Variants in BCL2 observed in about 807,000 individuals in gnomAD.
BCL2 encodes the protein apoptosis regulator Bcl-2.
BCL2 carries 1 observed loss-of-function variant against 14.2 expected under a neutral mutation model. That is an observed-to-expected ratio of 0.07 (90% CI 0.02 to 0.33). The LOEUF (loss-of-function observed/expected upper bound fraction) is 0.33. Ranked by LOEUF, BCL2 falls within the 10% of genes least tolerant of loss-of-function variation. BCL2 has a pLI of 0.99. For synonymous variants in BCL2, 151 were observed against 137.2 expected (o/e 1.10, Z -0.70); for missense variants, 247 against 305.9 (o/e 0.81, Z 1.44).
rs538627199 is a variant in BCL2 at position 63,199,473 on chromosome 18, A to G, written c.586-70714T>C. Among the ~76,000 whole-genome samples, 1,355 of 151,112 alleles carry G rather than the reference A, an allele frequency of 9.0e-3. 20 individuals are homozygous for G. The highest frequency in any genetic ancestry group is 0.031 in the African/African-American group (1,259 of 41,138). Reference sequence around the variant, plus strand: ...CAGAGACACACGCAGACAAATGCACATAGACAACACACACAGAGACACATG... The same window carrying G: ...CAGAGACACACGCAGACAAATGCACGTAGACAACACACACAGAGACACATG... On this transcript the variant is annotated intron_variant, in intron 2 of 2. Transcript: ENST00000333681.
intron 2 of BCL2, among the ~76,000 whole-genome samples, chr18:63,185,865 G>A (rs1030601549): frequency 2.6e-5 from 4 of 152,208 alleles, no homozygotes; most frequent in Admixed American, 6.5e-5. Context: ...AGTTTGGAAT[G>A]CTAACCACTT....
chr18:63,124,687 A>G lies in BCL2; in HGVS notation c.*3938T>C, dbSNP rs1599194059. 7 of 229,494 alleles carry G rather than the reference A, an allele frequency of 3.1e-5. No individual in the cohort carries two copies. In the East Asian group the frequency reaches 4.4e-4, roughly 14 times the overall value. The allele number at this position is 229,494 out of a possible 1,614,324, so 14.2% of individuals were successfully genotyped here. On this transcript the variant is annotated 3_prime_UTR_variant, in exon 3 of 3. Coordinates refer to ENST00000333681, the MANE Select transcript of BCL2 (RefSeq NM_000633.3). Reference sequence around the variant, plus strand: ...AGATCCAAATTGAATAACAATAAAGATCTGATTGGAACCTTCATAAGCTTG... The same window carrying G: ...AGATCCAAATTGAATAACAATAAAGGTCTGATTGGAACCTTCATAAGCTTG...
At chr18:63,238,562 T>A (rs1315672958) in intron 2 of BCL2, among the ~76,000 whole-genome samples, 1 of 152,168 alleles carries the variant, frequency 6.6e-6, no homozygotes, top group Non-Finnish European at 1.5e-5. Flanking sequence ...CAATGTTCTG[T>A]CCCCGTTTTA....
chr18:63,165,804 G>A (rs145577472), intron 2 of BCL2, among the ~76,000 whole-genome samples: 3 of 152,130 alleles, frequency 2.0e-5, no homozygotes, highest in African/African-American at 4.8e-5. Flanking sequence ...AGGGGAGGGG[G>A]GTGGAATCTA....
intron 2 of BCL2, among the ~76,000 whole-genome samples, chr18:63,248,527 A>G (rs1293284549): frequency 6.6e-6 from 1 of 152,194 alleles, no homozygotes; most frequent in East Asian, 1.9e-4. Flanking sequence ...CCTGAATGAA[A>G]CTTCCCATTG....
chr18:63,207,824 T>C (rs1228843951), intron 2 of BCL2: 1 of 152,250 alleles, frequency 6.6e-6, no homozygotes, highest in Non-Finnish European at 1.5e-5. Context: ...AGTTGGACTA[T>C]TTAAGCTTAC....
At chr18:63,224,526 T>A (rs2187162) in intron 2 of BCL2, among the ~76,000 whole-genome samples, 140,726 of 152,242 alleles carry the variant, frequency 0.92, 65,530 homozygotes, top group Non-Finnish European at 0.99. Flanking sequence ...GGGAAAACTG[T>A]TTTTTAACCT....
chr18:63,268,403 T>G (rs1911901052), intron 2 of BCL2, among the ~76,000 whole-genome samples: 1 of 152,240 alleles, frequency 6.6e-6, no homozygotes, highest in Admixed American at 6.5e-5. Flanking sequence ...GCAAGATTTC[T>G]GGAACAATTT....
intron 2 of BCL2, among the ~76,000 whole-genome samples, chr18:63,258,199 A>C (rs1911540942): frequency 6.6e-6 from 1 of 152,202 alleles, no homozygotes; most frequent in South Asian, 2.1e-4. Flanking sequence ...CTTCAGAACA[A>C]GTGTGGCCAT....
chr18:63,307,759 A>G (rs1913188147), intron 2 of BCL2, among the ~76,000 whole-genome samples: 1 of 152,204 alleles, frequency 6.6e-6, no homozygotes, highest in African/African-American at 2.4e-5. Flanking sequence ...ACTCATAGAT[A>G]AGCTGCTTGA....
chr18:63,312,585 C>T (rs891402543), intron 2 of BCL2, among the ~76,000 whole-genome samples: 2 of 152,204 alleles, frequency 1.3e-5, no homozygotes, highest in Non-Finnish European at 2.9e-5. Context: ...GCCAGTGTTA[C>T]AATGGACTGT....
rs1205961372 is a variant in BCL2, at chr18:63,221,969, T to A, written c.586-93210A>T. 2.6e-5 allele frequency among the ~76,000 whole-genome samples: 4 copies of A among 152,078 alleles called. No individual in the cohort carries two copies. The East Asian group carries it at 5.8e-4, about 22-fold the overall frequency. On this transcript the variant is annotated intron_variant, in intron 2 of 2. Coordinates refer to ENST00000333681, the MANE Select transcript of BCL2 (RefSeq NM_000633.3). ...CACTATGTAGAAACGATTTCACAAC[T>A]CAGGACTCACAAGATTCCTATAGAA...
intron 2 of BCL2, among the ~76,000 whole-genome samples, chr18:63,277,480 T>C (rs924942053): frequency 6.6e-6 from 1 of 151,664 alleles, no homozygotes; most frequent in African/African-American, 2.4e-5. Context: ...AAATTGTTAA[T>C]GAGCCAGTGC....
At chr18:63,294,066 C>A (rs1412684041) in intron 2 of BCL2, among the ~76,000 whole-genome samples, 2 of 151,994 alleles carry the variant, frequency 1.3e-5, no homozygotes, top group African/African-American at 4.8e-5. Flanking sequence ...AATAATTCAG[C>A]GCCTTATTTT....
chr18:63,267,566 G>A (rs147572011), intron 2 of BCL2, among the ~76,000 whole-genome samples: 10 of 152,308 alleles, frequency 6.6e-5, no homozygotes, highest in African/African-American at 1.4e-4. Flanking sequence ...AGGAAGTGGC[G>A]GAGGGAGTAA....
chr18:63,148,577 G>A (rs943938017), intron 2 of BCL2, among the ~76,000 whole-genome samples: 3 of 151,984 alleles, frequency 2.0e-5, no homozygotes, highest in Non-Finnish European at 2.9e-5. Flanking sequence ...TGGATCAGGA[G>A]TAAACCTCTC....
At chr18:63,167,868 G>A (rs1915083190) in intron 2 of BCL2, among the ~76,000 whole-genome samples, 1 of 151,902 alleles carries the variant, frequency 6.6e-6, no homozygotes, top group Non-Finnish European at 1.5e-5. Flanking sequence ...AGAGGTTGCA[G>A]TGAGCAGAGA....
intron 2 of BCL2, among the ~76,000 whole-genome samples, chr18:63,233,723 T>G (rs1312214868): frequency 6.6e-6 from 1 of 152,166 alleles, no homozygotes. Context: ...GTCCATGGCC[T>G]GGGGGCTGGG....
chr18:63,297,923 G>T (rs1912846322), intron 2 of BCL2, among the ~76,000 whole-genome samples: 2 of 152,172 alleles, frequency 1.3e-5, no homozygotes, highest in African/African-American at 4.8e-5. Flanking sequence ...ATGAGCACGT[G>T]TCCCTGGGAT....
Sources: gnomAD v4.1 joint callset for allele counts (sites outside exome capture counted in the v4.1 genomes callset) on GRCh38, gnomAD v4.1.1 for gene constraint, MANE v1.5 for transcripts, NCBI Gene and HGNC (gene_info 2026-07-23, HGNC 2026-07-21) for gene names.